HECTD2: variants seen among roughly 807,000 people sequenced by gnomAD.
The protein encoded by HECTD2 is HECT domain E3 ubiquitin protein ligase 2.
In HECTD2, 35 loss-of-function variants were observed where a neutral mutation model predicts 103.2. The observed-to-expected ratio is 0.34, with a 90% CI of 0.26 to 0.45. The LOEUF is 0.45. Among genes scored for constraint, HECTD2 ranks in the 20% least tolerant of loss-of-function variants. The pLI, the probability that HECTD2 is intolerant of heterozygous loss-of-function variation, is 1.00. For synonymous variants in HECTD2, 281 were observed against 329.9 expected (o/e 0.85, Z 1.61); for missense variants, 596 against 937.4 (o/e 0.64, Z 4.76).
At position 91,485,169 on chromosome 10, in the gene HECTD2, T is replaced by C; in HGVS notation, c.971-11T>C. The C allele has an allele frequency of 1.3e-6, 2 of 1,511,402 alleles. No individual in the cohort carries two copies. The highest frequency in any genetic ancestry group is 1.8e-6 in the Non-Finnish European group (2 of 1,116,522). The allele number at this position is 1,511,402 out of a possible 1,614,324, so 93.6% of individuals were successfully genotyped here. On this transcript the variant is annotated splice_polypyrimidine_tract_variant and intron_variant, in intron 9 of 20. Transcript: ENST00000298068. The stretch of plus-strand genomic sequence containing the variant: ...TGGAAAAAGTCTTTATGTTAGAATT[T>C]ATCTTTACAGATACTGCAAACAATT...
chr10:91,412,448 CTT>C (rs1182427175), intron 1 of HECTD2, among the ~76,000 whole-genome samples: 1 of 143,472 alleles, frequency 7.0e-6, no homozygotes, highest in African/African-American at 2.9e-5. Context: ...ATATACAAAA[CTT>C]GAGGGTTTTT....
chr10:91,419,369 A>G (rs960783768), intron 1 of HECTD2, among the ~76,000 whole-genome samples: 1 of 152,082 alleles, frequency 6.6e-6, no homozygotes, highest in African/African-American at 2.4e-5. Flanking sequence ...AATTTAAAAT[A>G]AGGTTGAAAA....
Position 91,430,790 on chromosome 10 carries a change from G to T in HECTD2, c.268+5380G>T, listed in dbSNP as rs570054377. Among the ~76,000 whole-genome samples the T allele has an allele frequency of 2.0e-4, 30 of 152,074 alleles. No individual in the cohort carries two copies. The East Asian group carries it at 5.6e-3, about 28-fold the overall frequency. Reference sequence around the variant, plus strand: ...ATGTCTGTCTCTGCATGTGCGATGGGTTTCCTGAATACAGTACACTGATGG... The same window carrying T: ...ATGTCTGTCTCTGCATGTGCGATGGTTTTCCTGAATACAGTACACTGATGG... On this transcript the variant is annotated intron_variant, in intron 2 of 20. Transcript: ENST00000298068.
At chr10:91,495,100 T>TCA (rs1438560768) in intron 14 of HECTD2, among the ~76,000 whole-genome samples, 1 of 151,980 alleles carries the variant, frequency 6.6e-6, no homozygotes, top group African/African-American at 2.4e-5. Context: ...TGTGTGTTTA[T>TCA]CACACACACA....
upstream of HECTD2, chr10:91,409,467 G>A (rs188624610): frequency 6.5e-6 from 1 of 152,718 alleles, no homozygotes; most frequent in East Asian, 1.9e-4. Flanking sequence ...GGAAGGGACG[G>A]ATAGGAGACA....
chr10:91,492,236 G>A, intron 12 of HECTD2, 116 bp from the exon 13 acceptor site: 1 of 939,174 alleles, frequency 1.1e-6, no homozygotes, highest in Non-Finnish European at 1.7e-6. Context: ...GAGGGATGGA[G>A]TTTTGTAGCA....
At chr10:91,412,479 G>A (rs1157999754) in intron 1 of HECTD2, among the ~76,000 whole-genome samples, 1 of 150,372 alleles carries the variant, frequency 6.7e-6, no homozygotes, top group African/African-American at 2.5e-5. Flanking sequence ...TTTTTGAGAC[G>A]GAGTCTTGCT....
At chr10:91,490,021 G>T (rs1256913314) in intron 11 of HECTD2, 2 of 151,966 alleles carry the variant, frequency 1.3e-5, no homozygotes, top group Non-Finnish European at 2.9e-5. Context: ...ATTCCTTATA[G>T]ATATTTTTAA....
intron 1 of HECTD2, 100 bp downstream of exon 1, chr10:91,410,676 C>T: frequency 9.2e-7 from 1 of 1,083,496 alleles, no homozygotes; most frequent in Non-Finnish European, 1.2e-6. Context: ...TTACCCTGGG[C>T]ACGCCCTGGC....
intron 1 of HECTD2, among the ~76,000 whole-genome samples, chr10:91,422,964 G>A (rs1175756882): frequency 6.6e-6 from 1 of 152,134 alleles, no homozygotes. Flanking sequence ...TTCCTAGATG[G>A]TTTAGGACAT....
At chr10:91,439,281 A>C (rs138012676) in intron 2 of HECTD2, among the ~76,000 whole-genome samples, 300 of 152,238 alleles carry the variant, frequency 2.0e-3, no homozygotes, top group African/African-American at 7.0e-3. Flanking sequence ...TTCCAGTTTC[A>C]GTTTTCTGCA....
intron 18 of HECTD2, among the ~76,000 whole-genome samples, chr10:91,499,878 G>A (rs1846826631): frequency 6.6e-6 from 1 of 152,140 alleles, no homozygotes; most frequent in African/African-American, 2.4e-5. Flanking sequence ...TTGCCAGCTT[G>A]TTTTAGAGAA....
intron 2 of HECTD2, among the ~76,000 whole-genome samples, chr10:91,449,844 A>G (rs543816192): frequency 4.6e-5 from 7 of 152,206 alleles, no homozygotes; most frequent in African/African-American, 7.2e-5. Context: ...CTCTTCAAGG[A>G]GAACTACAAA....
At chr10:91,464,997 TA>T (rs975759866) in intron 5 of HECTD2, among the ~76,000 whole-genome samples, 1 of 152,212 alleles carries the variant, frequency 6.6e-6, no homozygotes, top group Non-Finnish European at 1.5e-5. Flanking sequence ...CAAAACTCAC[TA>T]AAAAATTTTC....
chr10:91,456,459 G>A lies in HECTD2; in HGVS notation c.269-3968G>A, dbSNP rs557811606. The stretch of plus-strand genomic sequence containing the variant: ...GAGACTTTGCTGAAGTTGCTTATCA[G>A]CTTAAGGAGATTTTGGGCTGAGACG... On this transcript the variant is annotated intron_variant, in intron 2 of 20. Transcript: ENST00000298068. Among the ~76,000 whole-genome samples the A allele has an allele frequency of 1.2e-4, 18 of 152,290 alleles. 1 individual carries two copies. The South Asian group carries it at 2.9e-3, about 25-fold the overall frequency.
At chr10:91,454,378 A>C (rs1458983051) in intron 2 of HECTD2, among the ~76,000 whole-genome samples, 2 of 152,120 alleles carry the variant, frequency 1.3e-5, no homozygotes, top group Non-Finnish European at 1.5e-5. Context: ...GAGCATCTCC[A>C]AAATACTTGG....
chr10:91,463,309 A>G lies in HECTD2; in HGVS notation c.600+1125A>G, dbSNP rs377492263. 7 of 152,160 alleles carry G rather than the reference A, an allele frequency of 4.6e-5. 1 individual carries two copies. The highest frequency in any genetic ancestry group is 2.6e-4 in the Admixed American group (4 of 15,270). The allele number at this position is 152,160 out of a possible 1,614,324, so 9.4% of individuals were successfully genotyped here. A position where few individuals can be genotyped will look rare whatever the true frequency, so the allele number is the denominator to read the frequency against. On this transcript the variant is annotated intron_variant, in intron 5 of 20. Coordinates refer to ENST00000298068, the MANE Select transcript of HECTD2 (RefSeq NM_182765.6). ...ATAAGGAAGATAAAATATATTTACT[A>G]TATATTAAGTGGAAGTGGACTATCA...
chr10:91,452,503 G>T (rs1844877152), intron 2 of HECTD2, among the ~76,000 whole-genome samples: 1 of 151,984 alleles, frequency 6.6e-6, no homozygotes, highest in African/African-American at 2.4e-5. Flanking sequence ...CCTTTAAGAG[G>T]TAATTGAGTC....
At chr10:91,468,539 C>T (rs1330315668) in intron 5 of HECTD2, among the ~76,000 whole-genome samples, 1 of 152,074 alleles carries the variant, frequency 6.6e-6, no homozygotes, top group Non-Finnish European at 1.5e-5. Context: ...ACACTAGTTC[C>T]CAGCAATGGT....
Sources: gnomAD v4.1 joint callset for allele counts (sites outside exome capture counted in the v4.1 genomes callset) on GRCh38, gnomAD v4.1.1 for gene constraint, MANE v1.5 for transcripts, NCBI Gene and HGNC (gene_info 2026-07-23, HGNC 2026-07-21) for gene names.